CHAF1A: variants seen among roughly 807,000 people sequenced by gnomAD.
CHAF1A encodes CAF-1 subunit A.
A neutral mutation model predicts 93.2 loss-of-function variants in CHAF1A; 5 were observed. The observed-to-expected ratio is 0.05, with a 90% CI of 0.03 to 0.11. The LOEUF is 0.11. Ranked by LOEUF, CHAF1A falls within the 10% of genes least tolerant of loss-of-function variation. CHAF1A has a pLI of 1.00. For synonymous variants in CHAF1A, 504 were observed against 510.3 expected (o/e 0.99, Z 0.17); for missense variants, 1,102 against 1,259.9 (o/e 0.87, Z 1.90).
intron 7 of CHAF1A, among the ~76,000 whole-genome samples, chr19:4,425,837 C>T (rs1337405591): frequency 1.3e-5 from 2 of 152,180 alleles, no homozygotes; most frequent in Admixed American, 6.5e-5. Flanking sequence ...ACATTCCCGG[C>T]GATGTGTGGA....
chr19:4,425,703 C>T (rs895184511), intron 7 of CHAF1A, among the ~76,000 whole-genome samples: 9 of 152,214 alleles, frequency 5.9e-5, no homozygotes. Context: ...ACATGCTTCT[C>T]TGCACACATG....
chr19:4,403,252 G>C (rs973452684), intron 1 of CHAF1A, among the ~76,000 whole-genome samples: 1 of 152,182 alleles, frequency 6.6e-6, no homozygotes, highest in Non-Finnish European at 1.5e-5. Flanking sequence ...GCTGAGGGTC[G>C]GGGTAAGCCC....
At chr19:4,412,156 G>A (rs549222953) in intron 3 of CHAF1A, among the ~76,000 whole-genome samples, 1 of 152,172 alleles carries the variant, frequency 6.6e-6, no homozygotes, top group South Asian at 2.1e-4. Context: ...CTCCCCATTG[G>A]GCATCCTGTA....
chr19:4,429,112 A>G (rs1974135888), intron 8 of CHAF1A: 2 of 592,164 alleles, frequency 3.4e-6, no homozygotes, highest in Non-Finnish European at 6.0e-6. Flanking sequence ...TCGTGGAGGA[A>G]TCTTATTTCC....
downstream of CHAF1A, chr19:4,448,357 T>C (rs1421921348): frequency 3.7e-6 from 6 of 1,610,646 alleles, no homozygotes; most frequent in Non-Finnish European, 5.1e-6. Context: ...CCGGTCCTGG[T>C]CTTTGTTGAA....
downstream of CHAF1A, chr19:4,445,561 C>T (rs760432660): frequency 2.0e-5 from 32 of 1,613,726 alleles, no homozygotes; most frequent in African/African-American, 6.7e-5. Context: ...GCTCGGCCCC[C>T]GCGGCCTTGA....
In CHAF1A at chr19:4,433,456, G is replaced by A; in HGVS notation, c.2590G>A (p.Gly864Ser). The change falls in exon 13 of 15, where the codon GGC (glycine) becomes AGC (serine). Residue 864 changes from glycine to serine, a missense_variant. By Grantham distance (56) the Gly-to-Ser change is moderately conservative. Around this residue, in one of 6 missense-constraint regions of CHAF1A, gnomAD observed 76 missense variants for 129.8 expected, o/e 0.59. Transcript: ENST00000301280. This position sits in a 1 kb window ranked among gnomAD's most constrained non-coding sequence, Gnocchi z 5.6. ...GSVPSTGPSQ[G>S]TPISLKRKSA... ...CGTCCCCTCCACGGGGCCCAGCCAG[G>A]GCACTCCCATCTCGCTGAAGAGGAA... 1 of 1,604,498 alleles carries A rather than the reference G, an allele frequency of 6.2e-7. No homozygotes were observed. The highest frequency in any genetic ancestry group is 8.5e-7 in the Non-Finnish European group (1 of 1,172,354).
intron 7 of CHAF1A, among the ~76,000 whole-genome samples, chr19:4,425,608 C>T (rs1974067044): frequency 6.6e-6 from 1 of 152,198 alleles, no homozygotes; most frequent in Admixed American, 6.6e-5. Flanking sequence ...TGGCCACCCA[C>T]CGTGCTAGGA....
At chr19:4,432,334 C>A in intron 12 of CHAF1A, 127 bp downstream of exon 12, 1 of 1,122,770 alleles carries the variant, frequency 8.9e-7, no homozygotes, top group Non-Finnish European at 1.2e-6. Flanking sequence ...CAGAGGCCAG[C>A]CCTTTTCCTG....
chr19:4,426,862 G>A (rs1295545018), intron 7 of CHAF1A, among the ~76,000 whole-genome samples: 4 of 152,050 alleles, frequency 2.6e-5, no homozygotes, highest in East Asian at 1.9e-4. Flanking sequence ...AGGCCAAGGC[G>A]GGTGAATCAT....
intron 4 of CHAF1A, among the ~76,000 whole-genome samples, chr19:4,420,399 T>G (rs1399149438): frequency 6.6e-6 from 1 of 151,998 alleles, no homozygotes; most frequent in East Asian, 1.9e-4. Flanking sequence ...CGTGCCTTCA[T>G]GCCCAGCTAA....
At chr19:4,419,603 G>C (rs1424590925) in intron 4 of CHAF1A, among the ~76,000 whole-genome samples, 1 of 151,738 alleles carries the variant, frequency 6.6e-6, no homozygotes, top group Non-Finnish European at 1.5e-5. Context: ...ATAATTTTTT[G>C]TATTTTTAGT....
At chr19:4,444,307 C>T (rs374895392), downstream of CHAF1A, among the ~76,000 whole-genome samples, 9 of 152,134 alleles carry the variant, frequency 5.9e-5, no homozygotes, top group African/African-American at 1.4e-4. Context: ...GCAGTGGGGC[C>T]GGGGCACACA....
chr19:4,410,791 C>T (rs1168096827), intron 3 of CHAF1A, among the ~76,000 whole-genome samples: 2 of 152,166 alleles, frequency 1.3e-5, no homozygotes, highest in Non-Finnish European at 2.9e-5. Context: ...TTGGAGGCCG[C>T]AGCGAGCTAT....
At chr19:4,449,839 C>T (rs920832354), downstream of CHAF1A, 1 of 152,036 alleles carries the variant, frequency 6.6e-6, no homozygotes, top group African/African-American at 2.4e-5. Flanking sequence ...AAAAAAATTA[C>T]ATCAGCTCCA....
chr19:4,422,795 A>C lies in CHAF1A; in HGVS notation c.1247A>C (p.Glu416Ala). The C allele has an allele frequency of 6.2e-7, 1 of 1,612,190 alleles. No individual in the cohort carries two copies. Among genetic ancestry groups the C allele is most frequent in the Non-Finnish European group, 8.5e-7 (1 of 1,179,594 alleles). ...CGCAAGGAGAGACAGGAAGCCCTGG[A>C]GTGAGTGTCCTTGGAGGCCATGCTG... ...ERRKERQEAL[E>A]AKLEEKRKKE... Residue 416 changes from glutamate to alanine, a missense_variant and splice_region_variant, in exon 5 of 15, where the codon GAG (glutamate) becomes GCG (alanine). Glu to Ala is a moderately radical substitution (Grantham distance 107). Coordinates refer to ENST00000301280, the MANE Select transcript of CHAF1A (RefSeq NM_005483.3). The surrounding 1 kb of genome is among the most constrained non-coding windows in gnomAD (Gnocchi z 4.6).
intron 10 of CHAF1A, 22 bp from the exon 11 acceptor site, chr19:4,430,527 C>CT (rs3831749): frequency 7.9e-3 from 10,553 of 1,327,598 alleles, no homozygotes; most frequent in Non-Finnish European, 9.5e-3. Flanking sequence ...CTGATGAACT[C>CT]TTTTTTTTTT....
chr19:4,431,418 C>A (rs188952715), intron 11 of CHAF1A, among the ~76,000 whole-genome samples: 1 of 152,268 alleles, frequency 6.6e-6, no homozygotes, highest in Non-Finnish European at 1.5e-5. Context: ...CATGAGCCAC[C>A]GAGCCCGGCA....
chr19:4,448,320 G>T, downstream of CHAF1A: 1 of 1,604,756 alleles, frequency 6.2e-7, no homozygotes, highest in Non-Finnish European at 8.5e-7. Context: ...ACGCTCACTT[G>T]GCAATGGTGT....
Sources: allele counts gnomAD v4.1 joint callset (sites outside exome capture counted in the v4.1 genomes callset), GRCh38; gene constraint gnomAD v4.1.1; regional missense constraint gnomAD v4.1.1; non-coding constraint Gnocchi (gnomAD v3.1); transcripts MANE v1.5; gene names NCBI Gene and HGNC (gene_info 2026-07-23, HGNC 2026-07-21).